Variants in XRRA1 observed in about 807,000 individuals in gnomAD.
The protein encoded by XRRA1 is X-ray radiation resistance associated 1.
Under a neutral mutation model 80.2 loss-of-function variants are expected in XRRA1, and 69 were observed. The observed-to-expected ratio is 0.86, with a 90% CI of 0.71 to 1.05. The LOEUF is 1.05. Among genes scored for constraint, XRRA1 ranks in the 50% least tolerant of loss-of-function variants. XRRA1 has a pLI of 0.00. For synonymous variants in XRRA1, 348 were observed against 389.9 expected, an observed-to-expected ratio of 0.89 and a Z score of 1.27; for missense variants, 967 against 976.4, an observed-to-expected ratio of 0.99 and a Z score of 0.13.
chr11:74,903,620 G>A (rs972194219), intron 10 of XRRA1, among the ~76,000 whole-genome samples: 4 of 152,078 alleles, frequency 2.6e-5, no homozygotes, highest in East Asian at 1.9e-4. Context: ...GGAGAATGGC[G>A]AGAACCCAGG....
At position 74,878,450 on chromosome 11, in the gene XRRA1, A is replaced by T. The variant is rs11236263; in HGVS notation, c.1004-15429T>A. On this transcript the variant is annotated intron_variant, in intron 10 of 18. Transcript: ENST00000684022. ...CTGATGGTAGTTTCTTTTGCTGTGC[A>T]GAAGCTCTTTAGTTTAATCAGATCC... Among the ~76,000 whole-genome samples, 163 of 152,264 alleles carry T rather than the reference A, an allele frequency of 1.1e-3. 2 individuals carry two copies. The East Asian group carries it at 0.029, about 27-fold the overall frequency.
chr11:74,893,918 A>G (rs1478854109), intron 10 of XRRA1, among the ~76,000 whole-genome samples: 1 of 152,226 alleles, frequency 6.6e-6, no homozygotes, highest in Non-Finnish European at 1.5e-5. Context: ...AGGGATATAA[A>G]TCAATCTATT....
chr11:74,852,472 C>T (rs892283383), intron 12 of XRRA1, among the ~76,000 whole-genome samples: 4 of 152,218 alleles, frequency 2.6e-5, no homozygotes, highest in Admixed American at 2.6e-4. Context: ...GTTGGCAGGG[C>T]ATTGACTTTA....
intron 7 of XRRA1, among the ~76,000 whole-genome samples, chr11:74,924,406 G>A (rs1407258619): frequency 4.6e-5 from 7 of 151,094 alleles, no homozygotes; most frequent in African/African-American, 1.7e-4. Flanking sequence ...CCCGGGAGGC[G>A]GAGCTTGCAG....
At chr11:74,932,504 T>C (rs183472605) in intron 5 of XRRA1, among the ~76,000 whole-genome samples, 1 of 152,288 alleles carries the variant, frequency 6.6e-6, no homozygotes, top group Non-Finnish European at 1.5e-5. Context: ...GAGCCACCTC[T>C]GTACCCTCCA....
At chr11:74,875,937 C>A (rs1458948906) in intron 10 of XRRA1, among the ~76,000 whole-genome samples, 1 of 152,176 alleles carries the variant, frequency 6.6e-6, no homozygotes, top group African/African-American at 2.4e-5. Flanking sequence ...GGAAGCCATC[C>A]AGGGAAGGAC....
At chr11:74,908,085 C>T (rs2055036930) in intron 8 of XRRA1, among the ~76,000 whole-genome samples, 1 of 152,144 alleles carries the variant, frequency 6.6e-6, no homozygotes, top group East Asian at 1.9e-4. Flanking sequence ...CAAAATAGTA[C>T]ACATAGGCAC....
chr11:74,875,302 C>G (rs2136368037), intron 10 of XRRA1, among the ~76,000 whole-genome samples: 1 of 152,266 alleles, frequency 6.6e-6, no homozygotes, highest in South Asian at 2.1e-4. Flanking sequence ...GAAGCCCCCT[C>G]TAATCTGGGA....
intron 10 of XRRA1, among the ~76,000 whole-genome samples, chr11:74,905,055 TTAC>T (rs765676094): frequency 2.6e-5 from 4 of 152,134 alleles, no homozygotes; most frequent in Admixed American, 1.3e-4. Context: ...TATTAAGTTG[TTAC>T]TATTATTATT....
At chr11:74,932,168 T>A (rs1943748699) in intron 5 of XRRA1, among the ~76,000 whole-genome samples, 1 of 152,234 alleles carries the variant, frequency 6.6e-6, no homozygotes, top group Non-Finnish European at 1.5e-5. Context: ...CTTCTCCCAG[T>A]CTCAGCTTAT....
chr11:74,844,078 G>T, intron 17 of XRRA1, 90 bp downstream of exon 17: 1 of 1,458,344 alleles, frequency 6.9e-7, no homozygotes, highest in Non-Finnish European at 9.6e-7. Context: ...GGAAAGCATG[G>T]CCCTCAGAGG....
chr11:74,846,711 A>G (rs1002512308), intron 15 of XRRA1, among the ~76,000 whole-genome samples: 1 of 152,172 alleles, frequency 6.6e-6, no homozygotes, highest in Non-Finnish European at 1.5e-5. Context: ...CATGATTAAA[A>G]AACACTCAAA....
chr11:74,884,351 CAGT>C (rs2048495167), intron 10 of XRRA1, among the ~76,000 whole-genome samples: 1 of 152,238 alleles, frequency 6.6e-6, no homozygotes, highest in East Asian at 1.9e-4. Context: ...ACCACATGTA[CAGT>C]AAAGGAATGG....
At chr11:74,869,593 G>C (rs1455656632) in intron 10 of XRRA1, among the ~76,000 whole-genome samples, 1 of 152,228 alleles carries the variant, frequency 6.6e-6, no homozygotes, top group Non-Finnish European at 1.5e-5. Flanking sequence ...GTAAAGGGAT[G>C]GGCAACATGG....
intron 7 of XRRA1, among the ~76,000 whole-genome samples, chr11:74,926,540 C>A (rs1326221720): frequency 6.6e-6 from 1 of 152,122 alleles, no homozygotes; most frequent in Non-Finnish European, 1.5e-5. Flanking sequence ...GGTCAGATGC[C>A]CAGCCCACAC....
intron 8 of XRRA1, among the ~76,000 whole-genome samples, chr11:74,908,854 T>C (rs543719725): frequency 1.3e-5 from 2 of 152,334 alleles, no homozygotes; most frequent in African/African-American, 4.8e-5. Flanking sequence ...TGGCTGGATC[T>C]GTAACATAAT....
chr11:74,898,011 T>C (rs2052761995), intron 10 of XRRA1, among the ~76,000 whole-genome samples: 1 of 152,162 alleles, frequency 6.6e-6, no homozygotes, highest in South Asian at 2.1e-4. Context: ...TTGACTTAAG[T>C]AGAAAGGCTA....
At chr11:74,851,899 C>T (rs1038136853) in intron 13 of XRRA1, 90 bp downstream of exon 13, 1 of 1,109,392 alleles carries the variant, frequency 9.0e-7, no homozygotes, top group East Asian at 2.4e-5. Context: ...GAGTAGATCC[C>T]AGGGCTTGGC....
chr11:74,906,355 C>A lies in XRRA1; in HGVS notation c.887G>T (p.Gly296Val). The change falls in exon 10 of 19, where the codon GGA (glycine) becomes GTA (valine). Residue 296 changes from glycine to valine, a missense_variant. By Grantham distance (109) the Gly-to-Val change is moderately radical (BLOSUM62 -3). Coordinates refer to ENST00000684022, the MANE Select transcript of XRRA1 (RefSeq NM_001378157.1). The stretch of plus-strand genomic sequence containing the variant: ...GAATTGGGGCTCTTTATGGGGACTT[C>A]CCCTGCCTCCATTCCAGTCTACTGA... ...DESVDWNGGR[G>V]SPHKEPQFML... is the part of the protein sequence containing the mutation. The A allele has an allele frequency of 1.2e-6, 2 of 1,613,990 alleles. No individual in the cohort carries two copies. Among genetic ancestry groups the A allele is most frequent in the Non-Finnish European group, 1.7e-6 (2 of 1,179,898 alleles).
Sources: gnomAD v4.1 joint callset for allele counts (sites outside exome capture counted in the v4.1 genomes callset) on GRCh38, gnomAD v4.1.1 for gene constraint, MANE v1.5 for transcripts, NCBI Gene and HGNC (gene_info 2026-07-23, HGNC 2026-07-21) for gene names.